Variants in INPP4A observed in about 807,000 individuals in gnomAD.
INPP4A encodes the protein inositol polyphosphate-4-phosphatase type I A.
A neutral mutation model predicts 119.8 loss-of-function variants in INPP4A; 33 were observed. The observed-to-expected ratio is 0.28, with a 90% confidence interval of 0.21 to 0.37. The LOEUF is 0.37. Ranked by LOEUF, INPP4A falls within the 10% of genes least tolerant of loss-of-function variation. INPP4A has a pLI of 1.00. For synonymous variants in INPP4A, 496 were observed against 500.7 expected (o/e 0.99, Z 0.12); for missense variants, 956 against 1,289.9 (o/e 0.74, Z 3.97).
intron 21 of INPP4A, among the ~76,000 whole-genome samples, chr2:98,567,906 G>A (rs1293628780): frequency 6.6e-6 from 1 of 152,184 alleles, no homozygotes; most frequent in African/African-American, 2.4e-5. Context: ...AGAAGCTGAT[G>A]CTCGGAAGGC....
chr2:98,462,486 A>G (rs1349197268), intron 1 of INPP4A, among the ~76,000 whole-genome samples: 2 of 151,894 alleles, frequency 1.3e-5, no homozygotes, highest in African/African-American at 4.8e-5. Context: ...AAAATAAAAT[A>G]TTACCTTCTA....
chr2:98,526,766 A>G (rs1688248644), intron 4 of INPP4A, among the ~76,000 whole-genome samples: 1 of 152,250 alleles, frequency 6.6e-6, no homozygotes, highest in South Asian at 2.1e-4. Context: ...TGGCACCAGC[A>G]TCTTCTCAGC....
intron 24 of INPP4A, chr2:98,581,655 C>T (rs1699331470): frequency 6.3e-7 from 1 of 1,597,398 alleles, no homozygotes; most frequent in Non-Finnish European, 8.5e-7. Flanking sequence ...AGACCCCAGC[C>T]TCCTCTGTTC....
intron 1 of INPP4A, among the ~76,000 whole-genome samples, chr2:98,518,270 C>T (rs973633188): frequency 3.3e-5 from 5 of 152,260 alleles, no homozygotes; most frequent in African/African-American, 1.2e-4. Flanking sequence ...ACTGCCGTGT[C>T]TGCAGAGATG....
chr2:98,556,220 A>G (rs1444078586), intron 16 of INPP4A: 1 of 174,576 alleles, frequency 5.7e-6, no homozygotes, highest in East Asian at 1.6e-4. Context: ...TTGTTCAGGG[A>G]CACAGCTGGA....
chr2:98,478,459 C>T (rs1377724565), intron 1 of INPP4A, among the ~76,000 whole-genome samples: 1 of 152,222 alleles, frequency 6.6e-6, no homozygotes, highest in East Asian at 1.9e-4. Context: ...AGCTGAGTGC[C>T]TCTCCACCAG....
intron 23 of INPP4A, among the ~76,000 whole-genome samples, chr2:98,576,201 G>C (rs1313142648): frequency 6.6e-6 from 1 of 152,184 alleles, no homozygotes; most frequent in African/African-American, 2.4e-5. Flanking sequence ...AAATTACCTT[G>C]TTTCAGAGCT....
At position 98,552,674 on chromosome 2, in the gene INPP4A, C is replaced by T. The variant is rs867434195; in HGVS notation, c.1164-112C>T. On this transcript the variant is annotated intron_variant, in intron 13 of 24. Transcript: ENST00000409851. ...ACTAGAGTAGCTTGAGAGAACATCC[C>T]TGAGTCACAGAACACTTCATCTTAG... 16 of 871,176 alleles carry T rather than the reference C, an allele frequency of 1.8e-5. No homozygotes were observed. The African/African-American group carries it at 2.1e-4, about 12-fold the overall frequency. The allele number at this position is 871,176 out of a possible 1,614,324, so 54.0% of individuals were successfully genotyped here.
Position 98,497,104 on chromosome 2 carries a change from G to A in INPP4A, c.-165-21860G>A, listed in dbSNP as rs116544734. 2.5e-3 allele frequency among the ~76,000 whole-genome samples: 387 copies of A among 152,334 alleles called. 2 individuals carry two copies. Among genetic ancestry groups the A allele is most frequent in the African/African-American group, 8.7e-3 (360 of 41,568 alleles). The stretch of plus-strand genomic sequence containing the variant: ...GCCCTGTGTCCCAGCCGCTCTAGCC[G>A]TGGCTGAAAGGGGCCAAGGTAGAGC... On this transcript the variant is annotated intron_variant, in intron 1 of 24. Coordinates refer to ENST00000409851, the MANE Select transcript of INPP4A (RefSeq NM_001134225.2).
intron 1 of INPP4A, among the ~76,000 whole-genome samples, chr2:98,500,566 C>T (rs1682918499): frequency 6.6e-6 from 1 of 152,140 alleles, no homozygotes; most frequent in African/African-American, 2.4e-5. Flanking sequence ...GGAGATTGGG[C>T]TCAACTCCCA....
Position 98,568,580 on chromosome 2 carries a change from T to C in INPP4A, c.2430T>C (p.Asp810=), listed in dbSNP as rs1559094317. The C allele has an allele frequency of 1.3e-6, 2 of 1,588,870 alleles. No individual in the cohort carries two copies. The highest frequency in any genetic ancestry group is 1.7e-6 in the Non-Finnish European group (2 of 1,164,062). Residue 810 remains aspartate (D), a synonymous_variant, in exon 22 of 25, where the codon GAT becomes GAC. Transcript: ENST00000409851. ...CCTATAACCTCCCAAGGTTTGGCGA[T>C]ACGTCTTTACAAGAAGTCATCAACG... ...EQQTLAERFG[D]TSLQEVINVE... is the part of the protein sequence containing the mutation.
rs1700514048 is a variant in INPP4A at position 98,594,315 on chromosome 2, G to T, written c.*6707G>T. On this transcript the variant is annotated 3_prime_UTR_variant, in exon 25 of 25. Transcript: ENST00000409851. ...GGCCAGTTACATGACAGATTACTTT[G>T]TTCTTAACATACGAACATCCTATTC... 1.3e-5 allele frequency: 2 copies of T among 152,158 alleles called. No homozygotes were observed. Among genetic ancestry groups the T allele is most frequent in the Non-Finnish European group, 1.5e-5 (1 of 68,038 alleles). The allele number at this position is 152,158 out of a possible 1,614,324, so 9.4% of individuals were successfully genotyped here.
In INPP4A at chr2:98,458,444, A is replaced by G. The variant is rs188604963; in HGVS notation, c.-166+13359A>G. Among the ~76,000 whole-genome samples, 523 of 152,330 alleles carry G rather than the reference A, an allele frequency of 3.4e-3. 1 individual carries two copies. Among genetic ancestry groups the G allele is most frequent in the Non-Finnish European group, 5.9e-3 (404 of 68,030 alleles). ...AACACAACACGTTTCCTGGTACCCAAGATGAATCATTGCTGCCTGTGATGC... is the reference window on the plus strand; with the variant it reads ...AACACAACACGTTTCCTGGTACCCAGGATGAATCATTGCTGCCTGTGATGC... On this transcript the variant is annotated intron_variant, in intron 1 of 24. Transcript: ENST00000409851.
At chr2:98,510,886 A>G (rs1684998761) in intron 1 of INPP4A, among the ~76,000 whole-genome samples, 2 of 152,328 alleles carry the variant, frequency 1.3e-5, no homozygotes, top group East Asian at 1.9e-4. Context: ...ACTCATTGCC[A>G]TTGCTGCCTG....
rs1575208498 is a variant in INPP4A at position 98,587,833 on chromosome 2, A to G, written c.*225A>G. 2.4e-6 allele frequency: 1 copy of G among 413,726 alleles called. No individual in the cohort carries two copies. The highest frequency in any genetic ancestry group is 4.1e-5 in the East Asian group (1 of 24,502). The allele number at this position is 413,726 out of a possible 1,614,324, so 25.6% of individuals were successfully genotyped here. A position where few individuals can be genotyped will look rare whatever the true frequency, so the allele number is the denominator to read the frequency against. ...TGTTTGGCTCAATAGTGTGGATAGT[A>G]ACAACTGCCTATTTAAATTAAATAG... On this transcript the variant is annotated 3_prime_UTR_variant, in exon 25 of 25. Transcript: ENST00000409851.
chr2:98,512,746 CTTTGGAGAACACGTTCAA>C (rs1685365919), intron 1 of INPP4A, among the ~76,000 whole-genome samples: 1 of 152,210 alleles, frequency 6.6e-6, no homozygotes. Context: ...AACACAGGAA[CTTTGGAGAACACGTTCAA>C]ACTGTATCAA....
In INPP4A at chr2:98,566,193, G is replaced by A. The variant is rs574479906; in HGVS notation, c.2420+24G>A. 56 of 1,559,142 alleles carry A rather than the reference G, an allele frequency of 3.6e-5. 3 individuals carry two copies. In the South Asian group the frequency reaches 6.3e-4, roughly 18 times the overall value. Reference sequence around the variant, plus strand: ...AGGTGCGTGCCGGCTCCTCGGGGCTGCGGGGGTGTGGTGGCCCTGGAGATG... The same window carrying A: ...AGGTGCGTGCCGGCTCCTCGGGGCTACGGGGGTGTGGTGGCCCTGGAGATG... On this transcript the variant is annotated intron_variant, in intron 21 of 24. Transcript: ENST00000409851. The surrounding 1 kb of genome is among the most constrained non-coding windows in gnomAD (Gnocchi z 4.2).
chr2:98,579,755 A>G (rs1346573753), intron 24 of INPP4A, among the ~76,000 whole-genome samples: 4 of 152,188 alleles, frequency 2.6e-5, no homozygotes, highest in Non-Finnish European at 5.9e-5. Context: ...CTTCCTTTCT[A>G]AACCCCACCC....
At position 98,449,757 on chromosome 2, in the gene INPP4A, T is replaced by C. The variant is rs555411531; in HGVS notation, c.-166+4672T>C. Among the ~76,000 whole-genome samples the C allele has an allele frequency of 5.9e-5, 9 of 152,352 alleles. No homozygotes were observed. In the East Asian group the frequency reaches 1.7e-3, roughly 29 times the overall value. On this transcript the variant is annotated intron_variant, in intron 1 of 24. Coordinates refer to ENST00000409851, the MANE Select transcript of INPP4A (RefSeq NM_001134225.2). ...TAGTCACATTACACAAAATTTTCTG[T>C]GGCTTGCTTTTTAAATTTGTACTCC...
Sources: gnomAD v4.1 joint callset for allele counts (sites outside exome capture counted in the v4.1 genomes callset) on GRCh38, gnomAD v4.1.1 for gene constraint, Gnocchi (gnomAD v3.1) non-coding constraint, MANE v1.5 for transcripts, NCBI Gene and HGNC (gene_info 2026-07-23, HGNC 2026-07-21) for gene names.